SNX10: variants seen among roughly 807,000 people sequenced by gnomAD.
The protein encoded by SNX10 is sorting nexin-10.
SNX10 carries 25 observed loss-of-function variants against 28.5 expected under a neutral mutation model. That is an observed-to-expected ratio of 0.88 (90% CI 0.64 to 1.22). The LOEUF is 1.22. Ranked by LOEUF, SNX10 falls within the 50% of genes most tolerant of loss-of-function variation. SNX10 has a pLI of 0.00. For missense variants in SNX10, 223 were observed against 242.6 expected (o/e 0.92, Z 0.54); for synonymous variants, 62 against 81.4 (o/e 0.76, Z 1.28).
chr7:26,372,244 G>A, intron 6 of SNX10: 1 of 587,944 alleles, frequency 1.7e-6, no homozygotes, highest in East Asian at 2.8e-5. Flanking sequence ...AATGAATGCA[G>A]TAGAAATTCA....
At position 26,338,171 on chromosome 7, in the gene SNX10, C is replaced by T. The variant is rs559292211; in HGVS notation, c.-23-8249C>T. Among the ~76,000 whole-genome samples the T allele has an allele frequency of 1.9e-4, 28 of 144,112 alleles. No homozygotes were observed. The South Asian group carries it at 5.4e-3, about 28-fold the overall frequency. The allele number at this position is 144,112 out of a possible 152,430, so 94.5% of individuals were successfully genotyped here. ...TTACTCTGTCACCCAGGCTGGAGTG[C>T]AGTGGCATGGTCTTGGCTCACTGCA... On this transcript the variant is annotated intron_variant, in intron 1 of 6. Coordinates refer to ENST00000338523, the MANE Select transcript of SNX10 (RefSeq NM_013322.3).
chr7:26,294,115 A>G (rs1786024152), intron 1 of SNX10, among the ~76,000 whole-genome samples: 2 of 152,208 alleles, frequency 1.3e-5, no homozygotes, highest in African/African-American at 2.4e-5. Flanking sequence ...GCAGATTTTC[A>G]TTTCCTAGCA....
At chr7:26,358,475 C>T (rs1788914641) in intron 2 of SNX10, among the ~76,000 whole-genome samples, 1 of 152,196 alleles carries the variant, frequency 6.6e-6, no homozygotes. Context: ...CACAGTGGCT[C>T]ATGCCTATAA....
chr7:26,360,074 T>C (rs1043534471), intron 2 of SNX10, among the ~76,000 whole-genome samples: 2 of 152,238 alleles, frequency 1.3e-5, no homozygotes, highest in Non-Finnish European at 1.5e-5. Context: ...AAAGGTATTA[T>C]GAAGATGAAA....
chr7:26,325,731 AT>A (rs35402634), intron 1 of SNX10, among the ~76,000 whole-genome samples: 78,033 of 144,656 alleles, frequency 0.54, 20,916 homozygotes, highest in South Asian at 0.65. Flanking sequence ...AAAATTAGAG[AT>A]TTTTTTTTTT....
chr7:26,336,068 A>AT (rs1007246148), intron 1 of SNX10, among the ~76,000 whole-genome samples: 17 of 152,154 alleles, frequency 1.1e-4, no homozygotes, highest in African/African-American at 3.1e-4. Flanking sequence ...GGAGTCAGTG[A>AT]TTTTTTTTAT....
chr7:26,304,783 G>A (rs922459294), intron 1 of SNX10, among the ~76,000 whole-genome samples: 1 of 152,164 alleles, frequency 6.6e-6, no homozygotes, highest in African/African-American at 2.4e-5. Flanking sequence ...GCTAAATAGT[G>A]CAATCAAACT....
intron 1 of SNX10, among the ~76,000 whole-genome samples, chr7:26,339,561 T>C (rs35042524): frequency 0.17 from 23,001 of 136,088 alleles, 2,571 homozygotes; most frequent in East Asian, 0.4. Context: ...TTTGACAGAG[T>C]CTCACTCACC....
At chr7:26,306,592 G>A (rs1366609386) in intron 1 of SNX10, among the ~76,000 whole-genome samples, 1 of 151,936 alleles carries the variant, frequency 6.6e-6, no homozygotes, top group African/African-American at 2.4e-5. Flanking sequence ...TTTTTGTAGA[G>A]ATGGGTTTCG....
chr7:26,347,486 G>A (rs1339619405), intron 2 of SNX10, among the ~76,000 whole-genome samples: 1 of 152,196 alleles, frequency 6.6e-6, no homozygotes, highest in African/African-American at 2.4e-5. Flanking sequence ...GTTGCAGTGA[G>A]CCAAGATTAC....
chr7:26,362,296 G>GT (rs1229017199), intron 3 of SNX10, among the ~76,000 whole-genome samples: 6 of 152,216 alleles, frequency 3.9e-5, no homozygotes, highest in Admixed American at 1.3e-4. Context: ...AAATGAAATA[G>GT]TTTTAGTTGC....
intron 1 of SNX10, among the ~76,000 whole-genome samples, chr7:26,336,264 A>T (rs916039298): frequency 6.6e-6 from 1 of 152,170 alleles, no homozygotes; most frequent in Non-Finnish European, 1.5e-5. Flanking sequence ...TTTTGGCGAA[A>T]TACAGAAAAA....
chr7:26,359,278 A>G (rs1187689344), intron 2 of SNX10, among the ~76,000 whole-genome samples: 1 of 152,130 alleles, frequency 6.6e-6, no homozygotes, highest in Admixed American at 6.5e-5. Context: ...TAGGGGCAAA[A>G]GTTATTTTCA....
At position 26,366,555 on chromosome 7, in the gene SNX10, G is replaced by A. The variant is rs540284947; in HGVS notation, c.311+1410G>A. 4.1e-4 allele frequency among the ~76,000 whole-genome samples: 62 copies of A among 152,328 alleles called. 1 individual carries two copies. Among genetic ancestry groups the A allele is most frequent in the Non-Finnish European group, 7.1e-4 (48 of 68,030 alleles). Reference sequence around the variant, plus strand: ...GTTTTTCCTGCCCTTTCCCCTAGAGGAGGCCTCTGATTTTAATTGTTGTCT... The same window carrying A: ...GTTTTTCCTGCCCTTTCCCCTAGAGAAGGCCTCTGATTTTAATTGTTGTCT... On this transcript the variant is annotated intron_variant, in intron 5 of 6. Transcript: ENST00000338523.
chr7:26,319,932 T>C (rs1255930709), intron 1 of SNX10, among the ~76,000 whole-genome samples: 1 of 151,500 alleles, frequency 6.6e-6, no homozygotes, highest in Non-Finnish European at 1.5e-5. Flanking sequence ...TATATATCTA[T>C]ATGTATATAT....
At chr7:26,336,159 G>A (rs181111563) in intron 1 of SNX10, among the ~76,000 whole-genome samples, 1 of 152,220 alleles carries the variant, frequency 6.6e-6, no homozygotes, top group African/African-American at 2.4e-5. Context: ...TGTTTTTTGT[G>A]GGGAGGGAAT....
intron 1 of SNX10, among the ~76,000 whole-genome samples, chr7:26,340,004 G>T (rs193095879): frequency 6.7e-6 from 1 of 149,612 alleles, no homozygotes; most frequent in Non-Finnish European, 1.5e-5. Flanking sequence ...AGTCTTTGCC[G>T]TTTTTTTTTT....
At chr7:26,358,009 G>A (rs1350357769) in intron 2 of SNX10, among the ~76,000 whole-genome samples, 1 of 152,164 alleles carries the variant, frequency 6.6e-6, no homozygotes, top group Non-Finnish European at 1.5e-5. Context: ...TTGCAATAGT[G>A]TGCAAAGAAC....
intron 1 of SNX10, among the ~76,000 whole-genome samples, chr7:26,323,088 A>T (rs931893659): frequency 4.8e-4 from 73 of 152,060 alleles, no homozygotes; most frequent in Admixed American, 2.0e-4. Flanking sequence ...TCTCTATAAA[A>T]AAATAACAAA....
Sources: gnomAD v4.1 joint callset for allele counts (sites outside exome capture counted in the v4.1 genomes callset) on GRCh38, gnomAD v4.1.1 for gene constraint, MANE v1.5 for transcripts, NCBI Gene and HGNC (gene_info 2026-07-23, HGNC 2026-07-21) for gene names.